FGF12: variants seen among roughly 807,000 people sequenced by gnomAD.
FGF12 encodes the protein fibroblast growth factor 12B.
Under a neutral mutation model 23.6 loss-of-function variants are expected in FGF12, and 14 were observed. That is an observed-to-expected ratio of 0.59 (90% CI 0.39 to 0.93). FGF12 has a LOEUF of 0.93. FGF12 is among the 40% of genes least tolerant of loss of function. FGF12 has a pLI of 0.00. For synonymous variants in FGF12, 62 were observed against 77.3 expected (o/e 0.80, Z 1.04); for missense variants, 175 against 217.8 (o/e 0.80, Z 1.24).
intron 4 of FGF12, among the ~76,000 whole-genome samples, chr3:192,246,348 G>T (rs895042839): frequency 3.9e-5 from 6 of 152,072 alleles, no homozygotes; most frequent in Non-Finnish European, 8.8e-5. Flanking sequence ...AAATATAAAT[G>T]GGCCAAACAT....
intron 4 of FGF12, among the ~76,000 whole-genome samples, chr3:192,192,186 T>G (rs1192952657): frequency 6.6e-6 from 1 of 152,122 alleles, no homozygotes; most frequent in Non-Finnish European, 1.5e-5. Context: ...TTTCACTTAA[T>G]GGAGAAATAA....
chr3:192,636,548 T>C, intron 2 of FGF12, among the ~76,000 whole-genome samples: 1 of 152,244 alleles, frequency 6.6e-6, no homozygotes, highest in East Asian at 1.9e-4. Flanking sequence ...CTTTACTTCT[T>C]TTCTCCTTCA....
intron 2 of FGF12, among the ~76,000 whole-genome samples, chr3:192,574,397 C>G (rs1323911132): frequency 1.3e-5 from 2 of 152,176 alleles, no homozygotes; most frequent in Non-Finnish European, 2.9e-5. Context: ...TCCACTATGT[C>G]TGCTCTGCAG....
chr3:192,168,570 T>C (rs1329473522), intron 5 of FGF12, among the ~76,000 whole-genome samples: 1 of 152,230 alleles, frequency 6.6e-6, no homozygotes, highest in Non-Finnish European at 1.5e-5. Context: ...CTTAACATTT[T>C]ACTTTTGCTC....
chr3:192,316,235 C>T (rs1716221925), intron 4 of FGF12, among the ~76,000 whole-genome samples: 1 of 152,180 alleles, frequency 6.6e-6, no homozygotes, highest in South Asian at 2.1e-4. Flanking sequence ...CAGCTGTCCT[C>T]CCTCTGCTAA....
chr3:192,536,116 T>C (rs564829381), intron 2 of FGF12, among the ~76,000 whole-genome samples: 1 of 152,322 alleles, frequency 6.6e-6, no homozygotes, highest in South Asian at 2.1e-4. Flanking sequence ...GGTCTAGAAC[T>C]ACAACCCACA....
At chr3:192,584,686 G>A (rs1163078425) in intron 2 of FGF12, among the ~76,000 whole-genome samples, 1 of 151,980 alleles carries the variant, frequency 6.6e-6, no homozygotes, top group African/African-American at 2.4e-5. Flanking sequence ...CTACCTTTCC[G>A]GATTGTGCCA....
chr3:192,607,981 C>T (rs1714409228), intron 2 of FGF12, among the ~76,000 whole-genome samples: 1 of 152,038 alleles, frequency 6.6e-6, no homozygotes, highest in South Asian at 2.1e-4. Context: ...CATTATTGTG[C>T]CCATTTTACA....
chr3:192,627,577 C>G (rs1172829156), intron 2 of FGF12, among the ~76,000 whole-genome samples: 1 of 152,092 alleles, frequency 6.6e-6, no homozygotes, highest in Admixed American at 6.6e-5. Flanking sequence ...TCCTTGACAA[C>G]AACAGAAGCA....
At chr3:192,179,446 A>G (rs9844213) in intron 4 of FGF12, among the ~76,000 whole-genome samples, 3,380 of 151,612 alleles carry the variant, frequency 0.022, 154 homozygotes, top group African/African-American at 0.078. Flanking sequence ...ACTACTCAAT[A>G]CTCAAACCCT....
intron 2 of FGF12, among the ~76,000 whole-genome samples, chr3:192,663,872 C>G (rs893603617): frequency 6.6e-6 from 1 of 152,086 alleles, no homozygotes; most frequent in Non-Finnish European, 1.5e-5. Flanking sequence ...TGACAACATC[C>G]GTTTGTTCTG....
intron 4 of FGF12, among the ~76,000 whole-genome samples, chr3:192,248,396 A>AAT (rs1711778296): frequency 1.3e-5 from 2 of 152,210 alleles, no homozygotes; most frequent in Non-Finnish European, 2.9e-5. Flanking sequence ...TGAATTTAAG[A>AAT]AGTATCACTA....
At chr3:192,365,949 G>A (rs147572385) in intron 2 of FGF12, among the ~76,000 whole-genome samples, 113 of 145,018 alleles carry the variant, frequency 7.8e-4, no homozygotes, top group Non-Finnish European at 1.2e-3. Flanking sequence ...GGAAAGGATC[G>A]ACACTTTACT....
chr3:192,403,474 C>T (rs77631451), intron 2 of FGF12, among the ~76,000 whole-genome samples: 5 of 151,268 alleles, frequency 3.3e-5, no homozygotes, highest in South Asian at 2.1e-4. Context: ...TAGAGAGAAC[C>T]GAATTTTAAA....
At chr3:192,404,005 C>CAAAAAAA (rs1720863380) in intron 2 of FGF12, among the ~76,000 whole-genome samples, 2 of 152,000 alleles carry the variant, frequency 1.3e-5, no homozygotes, top group African/African-American at 4.8e-5. Context: ...TCAACAAAAT[C>CAAAAAAA]GGGTAAATTA....
Position 192,260,527 on chromosome 3 carries a change from G to A in FGF12, c.228+74834C>T, listed in dbSNP as rs79344794. On this transcript the variant is annotated intron_variant, in intron 4 of 5. Transcript: ENST00000445105. ...CCCAGCGGATACCATAATACAACCC[G>A]CGTATTACACAAATCTCCATATGCA... 2.2e-4 allele frequency among the ~76,000 whole-genome samples: 33 copies of A among 152,200 alleles called. 1 individual carries two copies. The East Asian group carries it at 5.4e-3, about 25-fold the overall frequency.
At chr3:192,186,415 C>G (rs534183361) in intron 4 of FGF12, among the ~76,000 whole-genome samples, 3 of 152,292 alleles carry the variant, frequency 2.0e-5, no homozygotes, top group Non-Finnish European at 4.4e-5. Flanking sequence ...TACTTAGTGA[C>G]ATGTACATGA....
intron 5 of FGF12, 32 bp downstream of exon 5, chr3:192,170,426 G>C (rs1364324604): frequency 3.8e-6 from 6 of 1,581,736 alleles, no homozygotes; most frequent in Non-Finnish European, 5.2e-6. Flanking sequence ...CACAGATAAG[G>C]GTCCAACAAA....
rs7623186 is a variant in FGF12 at position 192,370,302 on chromosome 3, G to A, written c.14-9764C>T. 3.6e-3 allele frequency among the ~76,000 whole-genome samples: 545 copies of A among 152,128 alleles called. 8 individuals are homozygous for A. The highest frequency in any genetic ancestry group is 0.013 in the African/African-American group (520 of 41,492). On this transcript the variant is annotated intron_variant, in intron 2 of 5. Coordinates refer to ENST00000445105, the MANE Select transcript of FGF12 (RefSeq NM_004113.6). ...TATGTACATGTATAATTTATGCCAC[G>A]TGTATGTGCCACTCTGTAAATTTTG...
Sources: allele counts gnomAD v4.1 joint callset (sites outside exome capture counted in the v4.1 genomes callset), GRCh38; gene constraint gnomAD v4.1.1; transcripts MANE v1.5; gene names NCBI Gene and HGNC (gene_info 2026-07-23, HGNC 2026-07-21).